BRAT1: variants seen among roughly 807,000 people sequenced by gnomAD.
The protein encoded by BRAT1 is integrator complex assembly factor BRAT1.
Under a neutral mutation model 70.6 loss-of-function variants are expected in BRAT1, and 74 were observed. The ratio of observed to expected loss-of-function variants is 1.05; its 90% CI spans 0.87 to 1.27. The LOEUF is 1.27. BRAT1 is among the 50% of genes most tolerant of loss of function. BRAT1 has a pLI of 0.00. For missense variants in BRAT1, 1,203 were observed against 1,098.2 expected (o/e 1.10, Z -1.35); for synonymous variants, 615 against 517.1 (o/e 1.19, Z -2.57).
At chr7:2,553,533 C>T (rs201256086) in intron 2 of BRAT1, among the ~76,000 whole-genome samples, 1 of 145,008 alleles carries the variant, frequency 6.9e-6, no homozygotes, top group Non-Finnish European at 1.5e-5. Context: ...ATTTTTTTTT[C>T]CCCAGAAAAA....
At position 2,555,487 on chromosome 7, in the gene BRAT1, C is replaced by A. The variant is rs546448919; in HGVS notation, c.-17G>T. On this transcript the variant is annotated splice_region_variant and 5_prime_UTR_variant, in exon 1 of 14. Transcript: ENST00000340611. ...ACCCCCGAAGGCCCACGCGCCTCAC[C>A]GCTCGGTTGCGTCCTCCGCCGCAAC... The A allele has an allele frequency of 3.6e-3, 553 of 152,382 alleles. 1 individual carries two copies. Among genetic ancestry groups the A allele is most frequent in the Middle Eastern group, 0.014 (4 of 294 alleles). The allele number at this position is 152,382 out of a possible 1,614,324, so 9.4% of individuals were successfully genotyped here.
intron 2 of BRAT1, among the ~76,000 whole-genome samples, chr7:2,553,963 G>A (rs554009900): frequency 6.6e-6 from 1 of 152,118 alleles, no homozygotes; most frequent in South Asian, 2.1e-4. Flanking sequence ...TTCATAATCA[G>A]AAAGAAAACA....
intron 2 of BRAT1, among the ~76,000 whole-genome samples, chr7:2,550,481 C>CAAAAAAAAAA (rs369777124): frequency 3.1e-4 from 18 of 57,600 alleles, no homozygotes; most frequent in Middle Eastern, 0.018. Flanking sequence ...AAAAAAAAAA[C>CAAAAAAAAAA]AAAAAAAAAA....
intron 13 of BRAT1, 116 bp from the exon 14 acceptor site, chr7:2,538,880 C>A (rs1778913517): frequency 6.7e-7 from 1 of 1,503,572 alleles, no homozygotes; most frequent in Non-Finnish European, 8.8e-7. Context: ...AGGGCCACAG[C>A]CCGCTCTGAC....
chr7:2,551,031 G>T (rs1335502938), intron 2 of BRAT1, among the ~76,000 whole-genome samples: 1 of 152,058 alleles, frequency 6.6e-6, no homozygotes, highest in Admixed American at 6.6e-5. Flanking sequence ...CCTGAGGTCA[G>T]GAGTTCGAGA....
chr7:2,547,019 G>A lies in BRAT1; in HGVS notation c.282+305C>T, dbSNP rs2164689. 1.3e-3 allele frequency among the ~76,000 whole-genome samples: 190 copies of A among 148,784 alleles called. 3 individuals are homozygous for A. Among genetic ancestry groups the A allele is most frequent in the African/African-American group, 3.8e-3 (152 of 39,878 alleles). On this transcript the variant is annotated intron_variant, in intron 3 of 13. Transcript: ENST00000340611. ...CGGCGCAGCTGCGACTCCTGTCTCC[G>A]TCCCAGGAAGAGATGGAGGCTTGCG...
intron 1 of BRAT1, among the ~76,000 whole-genome samples, 166 bp downstream of exon 1, chr7:2,555,321 G>A (rs2304542): frequency 0.11 from 16,539 of 152,138 alleles, 2,076 homozygotes; most frequent in African/African-American, 0.29. Context: ...CGAGAGTCCA[G>A]AAGGGGCGCC....
At chr7:2,550,074 G>A (rs569802876) in intron 2 of BRAT1, among the ~76,000 whole-genome samples, 1 of 151,328 alleles carries the variant, frequency 6.6e-6, no homozygotes, top group South Asian at 2.1e-4. Context: ...GGGGTGGGAG[G>A]ATCACTTGAG....
In BRAT1 at chr7:2,547,390, G is replaced by T; in HGVS notation, c.216C>A (p.Val72=). 2 of 1,614,124 alleles carry T rather than the reference G, an allele frequency of 1.2e-6. No homozygotes were observed. Among genetic ancestry groups the T allele is most frequent in the Middle Eastern group, 1.6e-4 (1 of 6,062 alleles). Residue 72 remains valine (V), a synonymous_variant, in exon 3 of 14, where the codon GTC becomes GTA. Coordinates refer to ENST00000340611, the MANE Select transcript of BRAT1 (RefSeq NM_152743.4). ...VLKVQDLSSG[V]LSFSLRLAGT... is the part of the protein sequence containing the mutation. ...CTGCCAGGCGCAGTGAGAAGGAGAG[G>T]ACCCCAGAACTCAGGTCCTGGACTT... is the stretch of plus-strand genomic sequence containing the variant.
chr7:2,541,067 A>C lies in BRAT1; in HGVS notation c.1322-15T>G. On this transcript the variant is annotated splice_polypyrimidine_tract_variant and intron_variant, in intron 9 of 13. Coordinates refer to ENST00000340611, the MANE Select transcript of BRAT1 (RefSeq NM_152743.4). Reference sequence around the variant, plus strand: ...CTCCTGGGGGCCTGAGACAGAGGTGAGTGGATAAACCACCCCCACCCCCAC... The same window carrying C: ...CTCCTGGGGGCCTGAGACAGAGGTGCGTGGATAAACCACCCCCACCCCCAC... 1 of 1,552,008 alleles carries C rather than the reference A, an allele frequency of 6.4e-7. No homozygotes were observed. Among genetic ancestry groups the C allele is most frequent in the Non-Finnish European group, 8.6e-7 (1 of 1,158,568 alleles).
chr7:2,554,492 C>A, intron 1 of BRAT1, 45 bp from the exon 2 acceptor site: 1 of 1,563,892 alleles, frequency 6.4e-7, no homozygotes, highest in Non-Finnish European at 8.6e-7. Context: ...CCACTCCAGA[C>A]CCAGCTCGCT....
chr7:2,538,939 AC>A, intron 13 of BRAT1, 175 bp from the exon 14 acceptor site: 11 of 1,451,168 alleles, frequency 7.6e-6, no homozygotes, highest in Non-Finnish European at 9.9e-6. Flanking sequence ...TCCTCAGTTT[AC>A]CCATCTGTCA....
At position 2,549,670 on chromosome 7, in the gene BRAT1, TAAAA is replaced by T. The variant is rs1438555531; in HGVS notation, c.128-2196_128-2193del. On this transcript the variant is annotated intron_variant, in intron 2 of 13. Coordinates refer to ENST00000340611, the MANE Select transcript of BRAT1 (RefSeq NM_152743.4). ...AATTAAAGAGATCAAACTTATCTGT[TAAAA>T]GAAAGAGTTGCTGAGATTAAATTAA... is the stretch of plus-strand genomic sequence containing the variant. 2.0e-5 allele frequency among the ~76,000 whole-genome samples: 3 copies of T among 152,130 alleles called. 1 individual carries two copies. Among genetic ancestry groups the T allele is most frequent in the Admixed American group, 2.0e-4 (3 of 15,262 alleles).
rs767501044 is a variant in BRAT1 at position 2,538,233 on chromosome 7, C to T, written c.2302G>A (p.Glu768Lys). ...AGCATGGCCAGCACAGCCTCAGGCT[C>T]CTGGTCCCCTGGGGGCTGGGCCTGC... ...GEQAQPPGDQ[E>K]PEAVLAMLRS... Residue 768 changes from glutamate (E) to lysine (K), a missense_variant, in exon 14 of 14, where the codon GAG becomes AAG. Glu to Lys is a moderately conservative substitution (Grantham distance 56). Transcript: ENST00000340611. The T allele has an allele frequency of 6.2e-7, 1 of 1,609,678 alleles. No homozygotes were observed. Among genetic ancestry groups the T allele is most frequent in the Non-Finnish European group, 8.5e-7 (1 of 1,178,402 alleles).
Position 2,538,349 on chromosome 7 carries a change from T to C in BRAT1, c.2186A>G (p.Lys729Arg). 1 of 1,613,284 alleles carries C rather than the reference T, an allele frequency of 6.2e-7. No homozygotes were observed. Among genetic ancestry groups the C allele is most frequent in the Non-Finnish European group, 8.5e-7 (1 of 1,179,920 alleles). The change falls in exon 14 of 14, where the codon AAG (lysine) becomes AGG (arginine). Residue 729 changes from lysine to arginine, a missense_variant. Physicochemically the swap from Lys to Arg is conservative, Grantham distance 26 (BLOSUM62 2). Transcript: ENST00000340611. Reference protein sequence around the residue: ...SCDLLLFLRDKIASYSSLREA... With the variant: ...SCDLLLFLRDRIASYSSLREA... ...CCGCAGGCTGCTGTAGGAAGCAATC[T>C]TGTCCCTCAGGAAGAGAAGGAGGTC...
chr7:2,545,360 T>A (rs1779524558), intron 3 of BRAT1, among the ~76,000 whole-genome samples: 3 of 44,868 alleles, frequency 6.7e-5, no homozygotes, highest in South Asian at 1.8e-3. Context: ...CGAGACTCCA[T>A]CTCAAAAAAA....
At position 2,539,360 on chromosome 7, in the gene BRAT1, C is replaced by T. The variant is rs754104895; in HGVS notation, c.1598-9G>A. 1.9e-5 allele frequency: 30 copies of T among 1,596,940 alleles called. No individual in the cohort carries two copies. The highest frequency in any genetic ancestry group is 2.3e-5 in the Non-Finnish European group (27 of 1,168,822). ...TCTGAAGTCAGCCTGTCCTGGGGGT[C>T]GAAACGGCCACATGCAGCTGTGACT... On this transcript the variant is annotated splice_polypyrimidine_tract_variant and intron_variant, in intron 12 of 13. Coordinates refer to ENST00000340611, the MANE Select transcript of BRAT1 (RefSeq NM_152743.4).
At chr7:2,551,317 G>A (rs2128410412) in intron 2 of BRAT1, among the ~76,000 whole-genome samples, 1 of 148,596 alleles carries the variant, frequency 6.7e-6, no homozygotes, top group East Asian at 1.9e-4. Context: ...AACTGTAAAA[G>A]GATCTGGTAC....
At chr7:2,554,822 G>A (rs1003457972) in intron 1 of BRAT1, among the ~76,000 whole-genome samples, 1 of 152,232 alleles carries the variant, frequency 6.6e-6, no homozygotes, top group African/African-American at 2.4e-5. Context: ...GGTCAGCCAT[G>A]TGTGCAAGGG....
Sources: gnomAD v4.1 joint callset for allele counts (sites outside exome capture counted in the v4.1 genomes callset) on GRCh38, gnomAD v4.1.1 for gene constraint, MANE v1.5 for transcripts, NCBI Gene and HGNC (gene_info 2026-07-23, HGNC 2026-07-21) for gene names.